Variants in DCC observed in about 807,000 individuals in gnomAD.
DCC encodes DCC netrin 1 receptor, also known as netrin receptor DCC.
A neutral mutation model predicts 172.5 loss-of-function variants in DCC; 58 were observed. That is an observed-to-expected ratio of 0.34 (90% CI 0.27 to 0.42). The LOEUF is 0.42. Ranked by LOEUF, DCC falls within the 10% of genes least tolerant of loss-of-function variation. The pLI, the probability that DCC is intolerant of heterozygous loss-of-function variation, is 1.00. For missense variants in DCC, 1,740 were observed against 1,791.0 expected (o/e 0.97, Z 0.51); for synonymous variants, 709 against 644.5 (o/e 1.10, Z -1.52).
At chr18:52,961,443 C>A (rs1157349166) in intron 5 of DCC, among the ~76,000 whole-genome samples, 1 of 152,090 alleles carries the variant, frequency 6.6e-6, no homozygotes, top group African/African-American at 2.4e-5. Context: ...TTCAGTGCTA[C>A]CTTTCTGTAC....
intron 5 of DCC, among the ~76,000 whole-genome samples, chr18:53,025,263 G>A (rs767693074): frequency 1.1e-4 from 16 of 152,088 alleles, no homozygotes; most frequent in Non-Finnish European, 2.1e-4. Flanking sequence ...TCACTAAGCT[G>A]GAAGATCGAA....
chr18:52,685,254 G>A (rs1176633438), intron 1 of DCC, among the ~76,000 whole-genome samples: 1 of 151,878 alleles, frequency 6.6e-6, no homozygotes, highest in African/African-American at 2.4e-5. Flanking sequence ...TACATTGGAG[G>A]GCTTTCTTGG....
intron 15 of DCC, among the ~76,000 whole-genome samples, chr18:53,359,121 A>T (rs959526391): frequency 1.3e-4 from 20 of 152,206 alleles, no homozygotes; most frequent in Admixed American, 2.6e-4. Flanking sequence ...TGAACAAACT[A>T]ATTGAACCAT....
chr18:53,428,408 TAC>T (rs1286437573), intron 21 of DCC, among the ~76,000 whole-genome samples: 4 of 62,114 alleles, frequency 6.4e-5, no homozygotes, highest in African/African-American at 2.1e-4. Flanking sequence ...TATAATATAT[TAC>T]ATATATAATA....
chr18:52,678,114 C>A (rs1038320884), intron 1 of DCC, among the ~76,000 whole-genome samples: 7 of 152,140 alleles, frequency 4.6e-5, no homozygotes, highest in Non-Finnish European at 1.0e-4. Flanking sequence ...CTTGACTATA[C>A]TGATCAGCCT....
intron 1 of DCC, among the ~76,000 whole-genome samples, chr18:52,696,422 TTCTTAG>T (rs1254782909): frequency 6.6e-6 from 1 of 152,140 alleles, no homozygotes; most frequent in East Asian, 1.9e-4. Context: ...TCACCCCAAA[TTCTTAG>T]AGAAAGGAGA....
intron 5 of DCC, among the ~76,000 whole-genome samples, chr18:53,048,309 T>A (rs1016130390): frequency 2.6e-5 from 4 of 151,762 alleles, no homozygotes; most frequent in African/African-American, 7.3e-5. Context: ...CAAGCGTCTG[T>A]GGTTCCGTTT....
intron 1 of DCC, among the ~76,000 whole-genome samples, chr18:52,624,137 A>G (rs1249470634): frequency 1.3e-5 from 2 of 152,174 alleles, no homozygotes; most frequent in Non-Finnish European, 2.9e-5. Context: ...AGATCCCTCA[A>G]TAAAGCATTT....
chr18:53,329,374 T>C (rs1465768774), intron 14 of DCC, among the ~76,000 whole-genome samples: 4 of 152,024 alleles, frequency 2.6e-5, no homozygotes, highest in Non-Finnish European at 5.9e-5. Context: ...AATATTTGAA[T>C]ATTACAAGAC....
intron 5 of DCC, among the ~76,000 whole-genome samples, chr18:53,047,660 G>A (rs67685219): frequency 6.7e-6 from 1 of 150,312 alleles, no homozygotes; most frequent in Admixed American, 6.7e-5. Flanking sequence ...TCATCACAAA[G>A]CCTATAGAGA....
In DCC at chr18:52,375,244, A is replaced by G. The variant is rs1985297866; in HGVS notation, c.91+34366A>G. Reference sequence around the variant, plus strand: ...GAATCTCTTTACTATGAGAGGAGCCAAGATATCAAAGCCAATCAAGATGAG... The same window carrying G: ...GAATCTCTTTACTATGAGAGGAGCCGAGATATCAAAGCCAATCAAGATGAG... On this transcript the variant is annotated intron_variant, in intron 1 of 28. Transcript: ENST00000442544. 6.6e-5 allele frequency among the ~76,000 whole-genome samples: 10 copies of G among 152,202 alleles called. 3 individuals carry two copies. Among genetic ancestry groups the G allele is most frequent in the Admixed American group, 6.5e-4 (10 of 15,286 alleles).
intron 5 of DCC, among the ~76,000 whole-genome samples, chr18:53,050,005 G>T (rs1413042765): frequency 6.6e-6 from 1 of 152,102 alleles, no homozygotes; most frequent in African/African-American, 2.4e-5. Flanking sequence ...TGTGGCCAAA[G>T]GCCTGAGAGC....
At chr18:52,842,523 T>A (rs1229064125) in intron 2 of DCC, among the ~76,000 whole-genome samples, 1 of 152,184 alleles carries the variant, frequency 6.6e-6, no homozygotes, top group Non-Finnish European at 1.5e-5. Context: ...GAGGGTCATC[T>A]GCTCACTCTC....
intron 1 of DCC, among the ~76,000 whole-genome samples, chr18:52,665,918 C>A (rs2144958246): frequency 6.6e-6 from 1 of 152,216 alleles, no homozygotes; most frequent in South Asian, 2.1e-4. Flanking sequence ...AATTAATTCA[C>A]CATCAATTTT....
intron 1 of DCC, among the ~76,000 whole-genome samples, chr18:52,486,619 T>C (rs2030238474): frequency 6.6e-6 from 1 of 152,184 alleles, no homozygotes; most frequent in Non-Finnish European, 1.5e-5. Context: ...CTTATGGCCC[T>C]GGAAAATTTC....
At chr18:52,473,380 A>T (rs1053853387) in intron 1 of DCC, among the ~76,000 whole-genome samples, 1 of 152,202 alleles carries the variant, frequency 6.6e-6, no homozygotes, top group African/African-American at 2.4e-5. Context: ...ATCTCCAATG[A>T]TCCATTACCT....
intron 1 of DCC, among the ~76,000 whole-genome samples, chr18:52,627,660 T>C (rs2034599184): frequency 6.6e-6 from 1 of 152,202 alleles, no homozygotes; most frequent in Non-Finnish European, 1.5e-5. Context: ...AACAAAACAT[T>C]CCACTTGTTG....
chr18:53,347,306 A>C (rs2057737243), intron 15 of DCC, among the ~76,000 whole-genome samples: 1 of 152,136 alleles, frequency 6.6e-6, no homozygotes, highest in African/African-American at 2.4e-5. Context: ...AAATCCGCCT[A>C]GTTTTGTAAA....
intron 20 of DCC, among the ~76,000 whole-genome samples, chr18:53,411,508 A>G (rs773607351): frequency 6.6e-6 from 1 of 152,138 alleles, no homozygotes; most frequent in Non-Finnish European, 1.5e-5. Flanking sequence ...CATGATAGTA[A>G]AGTAAAAAAT....
Sources: allele counts gnomAD v4.1 joint callset (sites outside exome capture counted in the v4.1 genomes callset), GRCh38; gene constraint gnomAD v4.1.1; transcripts MANE v1.5; gene names NCBI Gene and HGNC (gene_info 2026-07-23, HGNC 2026-07-21).